MGAM: variants seen among roughly 807,000 people sequenced by gnomAD.
The protein encoded by MGAM is maltase-glucoamylase.
Under a neutral mutation model 358.8 loss-of-function variants are expected in MGAM, and 253 were observed. The observed-to-expected ratio is 0.71, with a 90% CI of 0.64 to 0.78. The LOEUF (loss-of-function observed/expected upper bound fraction) is 0.78. Among genes scored for constraint, MGAM ranks in the 30% least tolerant of loss-of-function variants. The pLI, the probability that MGAM is intolerant of heterozygous loss-of-function variation, is 0.00. For missense variants in MGAM, 3,080 were observed against 3,432.6 expected, an observed-to-expected ratio of 0.90 and a Z score of 2.57; for synonymous variants, 1,105 against 1,227.1, an observed-to-expected ratio of 0.90 and a Z score of 2.08.
chr7:142,086,031 A>G, intron 55 of MGAM, 70 bp downstream of exon 55: 2 of 1,520,372 alleles, frequency 1.3e-6, no homozygotes, highest in Non-Finnish European at 1.8e-6. Flanking sequence ...AAAGTGTTAT[A>G]CTTTATTTCC....
At chr7:142,023,547 A>G (rs782022615) in intron 7 of MGAM, among the ~76,000 whole-genome samples, 1 of 152,170 alleles carries the variant, frequency 6.6e-6, no homozygotes, top group Non-Finnish European at 1.5e-5. Context: ...GGCCCAGCGA[A>G]GCCAAATTAA....
At chr7:142,062,443 G>A in intron 34 of MGAM, 125 bp from the exon 35 acceptor site, 11 of 1,233,496 alleles carry the variant, frequency 8.9e-6, no homozygotes, top group Non-Finnish European at 1.0e-5. Context: ...ACATTATTTA[G>A]GCCCTGTTCA....
At chr7:141,994,882 G>A (rs1554448140), upstream of MGAM, among the ~76,000 whole-genome samples, 6 of 152,250 alleles carry the variant, frequency 3.9e-5, no homozygotes, top group Admixed American at 2.6e-4. Flanking sequence ...CTGAGTCAAC[G>A]AAACCTCTTT....
chr7:142,002,583 GA>G (rs1804822129), intron 1 of MGAM, among the ~76,000 whole-genome samples: 1 of 151,842 alleles, frequency 6.6e-6, no homozygotes, highest in South Asian at 2.1e-4. Flanking sequence ...TCAAAATAAT[GA>G]AAGCCATATA....
At position 142,106,719 on chromosome 7, in the gene MGAM, A is replaced by G. The variant is rs1471320651; in HGVS notation, c.*828A>G. On this transcript the variant is annotated 3_prime_UTR_variant, in exon 71 of 71. Coordinates refer to ENST00000475668, the MANE Select transcript of MGAM (RefSeq NM_001365693.1). ...AAAATATGCAATTTATATGCCAGAT[A>G]AAAATAAAACAAGTGAATTTGCAAG... is the stretch of plus-strand genomic sequence containing the variant. 8 of 152,250 alleles carry G rather than the reference A, an allele frequency of 5.3e-5. No individual in the cohort carries two copies. Among genetic ancestry groups the G allele is most frequent in the African/African-American group, 1.9e-4 (8 of 41,460 alleles). 9.4% of individuals were successfully genotyped at this position (152,250 alleles called of 1,614,324 possible). A position where few individuals can be genotyped will look rare whatever the true frequency, so the allele number is the denominator to read the frequency against.
chr7:142,020,134 G>A (rs1806306018), intron 4 of MGAM, among the ~76,000 whole-genome samples: 1 of 151,928 alleles, frequency 6.6e-6, no homozygotes, highest in Admixed American at 6.6e-5. Context: ...GATAGCAGAA[G>A]GTGACACTTT....
chr7:142,079,401 A>G (rs1479466597), intron 49 of MGAM, among the ~76,000 whole-genome samples: 1 of 145,488 alleles, frequency 6.9e-6, no homozygotes, highest in East Asian at 2.0e-4. Context: ...GACAATGGAG[A>G]GGGAAGCATC....
intron 5 of MGAM, 22 bp from the exon 6 acceptor site, chr7:142,021,564 T>A (rs782547109): frequency 6.2e-7 from 1 of 1,609,716 alleles, no homozygotes; most frequent in Non-Finnish European, 8.5e-7. Context: ...TTGGCTTTCC[T>A]TCTATTTCTA....
intron 65 of MGAM, among the ~76,000 whole-genome samples, chr7:142,096,741 A>G (rs1359722756): frequency 1.3e-5 from 2 of 152,212 alleles, no homozygotes; most frequent in Non-Finnish European, 2.9e-5. Flanking sequence ...AAGAATTCAT[A>G]ACAGTCCTCT....
At chr7:142,019,344 AG>A in intron 4 of MGAM, 25 bp downstream of exon 4, 1 of 1,608,328 alleles carries the variant, frequency 6.2e-7, no homozygotes, top group South Asian at 1.1e-5. Flanking sequence ...GCCATGATGC[AG>A]GAGGTCCAGA....
In MGAM at chr7:142,092,647, T is replaced by C. The variant is rs1815506492; in HGVS notation, c.7033+39T>C. 4.7e-6 allele frequency: 7 copies of C among 1,476,556 alleles called. 1 individual carries two copies. The highest frequency in any genetic ancestry group is 3.9e-5 in the Admixed American group (2 of 51,598). 91.5% of individuals were successfully genotyped at this position (1,476,556 alleles called of 1,614,324 possible). Reference sequence around the variant, plus strand: ...GCCTTCTTGATTGGCAGAGCCATGATTGAAAGAAGGATTACACTGGAGGAG... The same window carrying C: ...GCCTTCTTGATTGGCAGAGCCATGACTGAAAGAAGGATTACACTGGAGGAG... On this transcript the variant is annotated intron_variant, in intron 59 of 70. Coordinates refer to ENST00000475668, the MANE Select transcript of MGAM (RefSeq NM_001365693.1).
At chr7:142,030,591 G>A in intron 11 of MGAM, 50 bp from the exon 12 acceptor site, 1 of 1,603,038 alleles carries the variant, frequency 6.2e-7, no homozygotes. Context: ...TCTCCTTTCA[G>A]TGCCTCCGGT....
intron 21 of MGAM, among the ~76,000 whole-genome samples, chr7:142,041,101 A>G (rs1808488214): frequency 6.6e-6 from 1 of 152,082 alleles, no homozygotes; most frequent in African/African-American, 2.4e-5. Flanking sequence ...TCTCATTTCT[A>G]GAGAACCTTG....
At chr7:142,101,059 T>A (rs1208997946) in intron 68 of MGAM, among the ~76,000 whole-genome samples, 169 bp downstream of exon 68, 1 of 152,232 alleles carries the variant, frequency 6.6e-6, no homozygotes, top group East Asian at 1.9e-4. Flanking sequence ...TTATTCCTCA[T>A]GTAAATGAAG....
chr7:142,002,687 A>G (rs1554451056), intron 1 of MGAM, among the ~76,000 whole-genome samples: 1 of 152,060 alleles, frequency 6.6e-6, no homozygotes, highest in African/African-American at 2.4e-5. Flanking sequence ...AAGGATGCCC[A>G]TTGTCACCAC....
In MGAM at chr7:142,050,817, G is replaced by A. The variant is rs760193866; in HGVS notation, c.2758G>A (p.Val920Ile). 3 of 1,613,648 alleles carry A rather than the reference G, an allele frequency of 1.9e-6. No homozygotes were observed. Among genetic ancestry groups the A allele is most frequent in the African/African-American group, 1.3e-5 (1 of 74,906 alleles). Reference sequence around the variant, plus strand: ...CAATGTTACAGTGAAACACAATGGTGTCCCAAGTCAGACTTCTCCTACAGT... The same window carrying A: ...CAATGTTACAGTGAAACACAATGGTATCCCAAGTCAGACTTCTCCTACAGT... ...PSNVTVKHNGVPSQTSPTVTY... is the reference protein window; with the variant it reads ...PSNVTVKHNGIPSQTSPTVTY... Residue 920 changes from valine (V) to isoleucine (I), a missense_variant, in exon 24 of 71, where the codon GTC becomes ATC. Coordinates refer to ENST00000475668, the MANE Select transcript of MGAM (RefSeq NM_001365693.1).
chr7:142,083,198 T>A, intron 52 of MGAM, 103 bp from the exon 53 acceptor site: 1 of 905,102 alleles, frequency 1.1e-6, no homozygotes, highest in Non-Finnish European at 1.7e-6. Flanking sequence ...CTCTTACTAC[T>A]CTACGATAGG....
At chr7:142,071,758 AT>A (rs892417467) in intron 44 of MGAM, among the ~76,000 whole-genome samples, 1 of 145,376 alleles carries the variant, frequency 6.9e-6, no homozygotes, top group African/African-American at 2.4e-5. Flanking sequence ...CCGCTAAGAG[AT>A]TTCTTTCTTG....
At chr7:142,054,706 G>T (rs776508254) in intron 26 of MGAM, 48 bp from the exon 27 acceptor site, 1 of 1,603,494 alleles carries the variant, frequency 6.2e-7, no homozygotes, top group Non-Finnish European at 8.5e-7. Flanking sequence ...TAAGGGTATA[G>T]GTTTCAAGAG....
Sources: allele counts gnomAD v4.1 joint callset (sites outside exome capture counted in the v4.1 genomes callset), GRCh38; gene constraint gnomAD v4.1.1; transcripts MANE v1.5; gene names NCBI Gene and HGNC (gene_info 2026-07-23, HGNC 2026-07-21).